PRKCA: variants seen among roughly 807,000 people sequenced by gnomAD.
PRKCA encodes protein kinase C alpha, also known as protein kinase C alpha type.
In PRKCA, 27 loss-of-function variants were observed where a neutral mutation model predicts 87.0. The observed-to-expected ratio is 0.31, with a 90% CI of 0.23 to 0.43. The LOEUF is 0.43. Among genes scored for constraint, PRKCA ranks in the 20% least tolerant of loss-of-function variants. PRKCA has a pLI of 1.00. For synonymous variants in PRKCA, 329 were observed against 311.1 expected (o/e 1.06, Z -0.61); for missense variants, 518 against 852.3 (o/e 0.61, Z 4.88).
intron 8 of PRKCA, among the ~76,000 whole-genome samples, chr17:66,711,928 T>C (rs1363989718): frequency 6.6e-6 from 1 of 152,172 alleles, no homozygotes; most frequent in Admixed American, 6.6e-5. Flanking sequence ...AAAAAAATAT[T>C]CCTTGAGGTT....
intron 3 of PRKCA, among the ~76,000 whole-genome samples, chr17:66,533,389 G>A (rs1308050170): frequency 6.6e-6 from 1 of 152,172 alleles, no homozygotes; most frequent in East Asian, 1.9e-4. Context: ...CTGTTTTACT[G>A]CATCCCTTTT....
chr17:66,439,222 C>T (rs1453181218), intron 2 of PRKCA, among the ~76,000 whole-genome samples: 3 of 151,490 alleles, frequency 2.0e-5, no homozygotes, highest in African/African-American at 7.3e-5. Flanking sequence ...GCTTTGTTGT[C>T]CAGGCTGGAG....
chr17:66,323,738 G>T lies in PRKCA; in HGVS notation c.205+17611G>T, dbSNP rs569595202. 3.9e-5 allele frequency among the ~76,000 whole-genome samples: 6 copies of T among 152,212 alleles called. No individual in the cohort carries two copies. In the East Asian group the frequency reaches 1.2e-3, roughly 29 times the overall value. ...GTGGATCACCTGAGGCCAGGAGTTC[G>T]AGACCAGCCTGGCCAACATGGTGAA... is the stretch of plus-strand genomic sequence containing the variant. On this transcript the variant is annotated intron_variant, in intron 2 of 16. Transcript: ENST00000413366.
chr17:66,558,863 C>T (rs1242643762), intron 3 of PRKCA, among the ~76,000 whole-genome samples: 2 of 152,146 alleles, frequency 1.3e-5, no homozygotes. Flanking sequence ...GAGGGGTAAT[C>T]TGCCATGCAG....
intron 8 of PRKCA, among the ~76,000 whole-genome samples, chr17:66,703,108 T>C (rs966576458): frequency 1.3e-5 from 2 of 152,206 alleles, no homozygotes; most frequent in Non-Finnish European, 2.9e-5. Flanking sequence ...CAATTTATTT[T>C]TAAAATCTTC....
At chr17:66,335,688 T>C (rs1276003241) in intron 2 of PRKCA, among the ~76,000 whole-genome samples, 2 of 152,164 alleles carry the variant, frequency 1.3e-5, no homozygotes, top group African/African-American at 4.8e-5. Flanking sequence ...ACATTACATA[T>C]ATTTTGAAAA....
intron 2 of PRKCA, among the ~76,000 whole-genome samples, chr17:66,470,447 C>T (rs926823150): frequency 9.9e-5 from 15 of 151,802 alleles, no homozygotes; most frequent in Admixed American, 3.3e-4. Flanking sequence ...AGGCTGGTCT[C>T]GAACTCCTGA....
At position 66,618,744 on chromosome 17, in the gene PRKCA, T is replaced by C. The variant is rs1017608942; in HGVS notation, c.289-22611T>C. 3.3e-5 allele frequency among the ~76,000 whole-genome samples: 5 copies of C among 152,332 alleles called. No individual in the cohort carries two copies. The South Asian group carries it at 1.0e-3, about 32-fold the overall frequency. The stretch of plus-strand genomic sequence containing the variant: ...TCTGGGAAATGTTCAAATTCTGTAC[T>C]ACATGCCTACATTCTGCAGGGTTAG... On this transcript the variant is annotated intron_variant, in intron 3 of 16. Coordinates refer to ENST00000413366, the MANE Select transcript of PRKCA (RefSeq NM_002737.3).
At chr17:66,548,164 G>A (rs1968204760) in intron 3 of PRKCA, among the ~76,000 whole-genome samples, 1 of 152,170 alleles carries the variant, frequency 6.6e-6, no homozygotes, top group Non-Finnish European at 1.5e-5. Flanking sequence ...GTCGACAGTG[G>A]AAGAACATTA....
chr17:66,515,102 A>G (rs1181737772), intron 3 of PRKCA, among the ~76,000 whole-genome samples: 1 of 151,940 alleles, frequency 6.6e-6, no homozygotes, highest in Non-Finnish European at 1.5e-5. Context: ...AAAAATGCAA[A>G]AAAATTAGCT....
rs566748238 is a variant in PRKCA, at chr17:66,619,711, G to A, written c.289-21644G>A. The stretch of plus-strand genomic sequence containing the variant: ...GGAAACCGATCTCTTCTCTCTCCCC[G>A]TCTCAGTGTCTCAAGGAAAAACCTC... On this transcript the variant is annotated intron_variant, in intron 3 of 16. Coordinates refer to ENST00000413366, the MANE Select transcript of PRKCA (RefSeq NM_002737.3). 9.9e-5 allele frequency among the ~76,000 whole-genome samples: 15 copies of A among 152,156 alleles called. No individual in the cohort carries two copies. In the East Asian group the frequency reaches 1.4e-3, roughly 14 times the overall value.
chr17:66,731,210 A>G (rs926002786), intron 8 of PRKCA, among the ~76,000 whole-genome samples: 8 of 152,066 alleles, frequency 5.3e-5, no homozygotes, highest in African/African-American at 9.7e-5. Flanking sequence ...AAAATTAGCC[A>G]TGCATGGTGG....
intron 2 of PRKCA, among the ~76,000 whole-genome samples, chr17:66,336,649 TTAAACATTTGCCTATATAGTAAA>T (rs1906689385): frequency 7.6e-6 from 1 of 132,058 alleles, no homozygotes; most frequent in African/African-American, 4.0e-5. Flanking sequence ...TAGTAAATTA[TTAAACATTTGCCTATATAGTAAA>T]TTATTAAACA....
intron 2 of PRKCA, among the ~76,000 whole-genome samples, chr17:66,450,347 G>C (rs1299757920): frequency 2.0e-5 from 3 of 152,196 alleles, no homozygotes; most frequent in African/African-American, 4.8e-5. Context: ...TCTGGAAGTA[G>C]GGGCAATGGT....
chr17:66,499,899 A>G (rs567704866), intron 3 of PRKCA, among the ~76,000 whole-genome samples: 94 of 152,068 alleles, frequency 6.2e-4, no homozygotes, highest in African/African-American at 1.7e-3. Context: ...TACTCAACTG[A>G]CTCCCAGTGT....
chr17:66,482,738 A>C (rs1285622303), intron 2 of PRKCA, among the ~76,000 whole-genome samples: 2 of 152,198 alleles, frequency 1.3e-5, no homozygotes, highest in Non-Finnish European at 2.9e-5. Flanking sequence ...AAAGGCAATG[A>C]TTTTAAATTG....
intron 2 of PRKCA, among the ~76,000 whole-genome samples, chr17:66,397,154 C>T (rs1910736617): frequency 6.6e-6 from 1 of 151,200 alleles, no homozygotes; most frequent in Non-Finnish European, 1.5e-5. Flanking sequence ...TTGGTAGAGA[C>T]AGGGTTTCTC....
chr17:66,596,013 G>A (rs1284679020), intron 3 of PRKCA, among the ~76,000 whole-genome samples: 2 of 152,198 alleles, frequency 1.3e-5, no homozygotes, highest in East Asian at 1.9e-4. Flanking sequence ...CTGTAGGGAT[G>A]GGTGGTGGGT....
chr17:66,697,325 A>G lies in PRKCA; in HGVS notation c.918+8278A>G, dbSNP rs550087933. Among the ~76,000 whole-genome samples the G allele has an allele frequency of 4.1e-4, 62 of 152,348 alleles. No homozygotes were observed. The South Asian group carries it at 0.012, about 30-fold the overall frequency. On this transcript the variant is annotated intron_variant, in intron 8 of 16. Transcript: ENST00000413366. ...GGAGCTTTCACCATCATTCCCCTGT[A>G]GACGCATCAATGTTGACAACTACCT...
Sources: gnomAD v4.1 joint callset for allele counts (sites outside exome capture counted in the v4.1 genomes callset) on GRCh38, gnomAD v4.1.1 for gene constraint, MANE v1.5 for transcripts, NCBI Gene and HGNC (gene_info 2026-07-23, HGNC 2026-07-21) for gene names.